GLG1: variants seen among roughly 807,000 people sequenced by gnomAD.
GLG1 encodes the protein Golgi apparatus protein 1.
A neutral mutation model predicts 160.5 loss-of-function variants in GLG1; 38 were observed. The ratio of observed to expected loss-of-function variants is 0.24; its 90% confidence interval spans 0.18 to 0.31. The LOEUF is 0.31. GLG1 is among the 10% of genes least tolerant of loss of function. GLG1 has a pLI of 1.00. For synonymous variants in GLG1, 644 were observed against 543.4 expected (o/e 1.19, Z -2.57); for missense variants, 1,373 against 1,505.2 (o/e 0.91, Z 1.45).
chr16:74,505,900 C>T (rs564000722), intron 3 of GLG1, among the ~76,000 whole-genome samples: 2 of 151,002 alleles, frequency 1.3e-5, no homozygotes, highest in African/African-American at 4.9e-5. Flanking sequence ...TGTGGTGCCA[C>T]GCATCTGTAG....
At chr16:74,520,196 C>G (rs988581730) in intron 2 of GLG1, among the ~76,000 whole-genome samples, 2 of 152,270 alleles carry the variant, frequency 1.3e-5, no homozygotes. Context: ...TGGCTATTTT[C>G]TCTGTACATG....
rs11295055 is a variant in GLG1, at chr16:74,509,163, ATTT to A, written c.472-241_472-239del. Among the ~76,000 whole-genome samples, 682 of 89,628 alleles carry A rather than the reference ATTT, an allele frequency of 7.6e-3. 2 individuals carry two copies. The highest frequency in any genetic ancestry group is 0.03 in the African/African-American group (653 of 22,004). The allele number at this position is 89,628 out of a possible 152,430, so 58.8% of individuals were successfully genotyped here. On this transcript the variant is annotated intron_variant, in intron 2 of 25. Transcript: ENST00000422840. ...TTTTTGTCGTTTTTACTAAAGGACA[ATTT>A]TTTTTTTTTTTTTTTTTTTTTTTGA...
intron 1 of GLG1, among the ~76,000 whole-genome samples, chr16:74,587,643 C>A (rs991631230): frequency 6.6e-6 from 1 of 152,090 alleles, no homozygotes; most frequent in Non-Finnish European, 1.5e-5. Context: ...CCGAAGTGGG[C>A]GATCACGAGG....
At chr16:74,505,348 G>A (rs2016558019) in intron 3 of GLG1, among the ~76,000 whole-genome samples, 1 of 152,252 alleles carries the variant, frequency 6.6e-6, no homozygotes, top group African/African-American at 2.4e-5. Flanking sequence ...ACTGGTTTCA[G>A]AGACAGCAGA....
chr16:74,512,317 A>T (rs911946981), intron 2 of GLG1, among the ~76,000 whole-genome samples: 3 of 151,290 alleles, frequency 2.0e-5, no homozygotes, highest in African/African-American at 7.3e-5. Flanking sequence ...AAGTACAGTG[A>T]TGCAAGTGTG....
intron 2 of GLG1, among the ~76,000 whole-genome samples, chr16:74,511,981 T>C (rs2016822449): frequency 6.6e-6 from 1 of 152,022 alleles, no homozygotes; most frequent in South Asian, 2.1e-4. Context: ...AAAATTTACC[T>C]CTCTAAAGTG....
intron 2 of GLG1, among the ~76,000 whole-genome samples, chr16:74,526,533 G>A (rs2017338886): frequency 1.4e-5 from 2 of 148,026 alleles, no homozygotes; most frequent in South Asian, 2.2e-4. Flanking sequence ...AGGTCAGCCT[G>A]GGCAACAAAG....
chr16:74,502,834 T>G (rs1310742228), intron 4 of GLG1, among the ~76,000 whole-genome samples: 10 of 149,162 alleles, frequency 6.7e-5, no homozygotes, highest in African/African-American at 2.2e-4. Context: ...CCTCCCAAAG[T>G]GTTGGGATTA....
At chr16:74,572,949 G>C (rs910469815) in intron 1 of GLG1, among the ~76,000 whole-genome samples, 2 of 152,156 alleles carry the variant, frequency 1.3e-5, no homozygotes, top group Non-Finnish European at 2.9e-5. Flanking sequence ...CAGGTATATA[G>C]TGTCAAGGAT....
In GLG1 at chr16:74,477,439, A is replaced by G. The variant is rs1368213578; in HGVS notation, c.1922T>C (p.Ile641Thr). 1.9e-6 allele frequency: 3 copies of G among 1,612,884 alleles called. No homozygotes were observed. The highest frequency in any genetic ancestry group is 2.5e-6 in the Non-Finnish European group (3 of 1,178,836). Residue 641 changes from isoleucine to threonine, a missense_variant, in exon 12 of 26, where the codon ATT becomes ACT. Ile to Thr is a moderately conservative substitution (Grantham distance 89). Transcript: ENST00000422840. ...CTCACTGCACCATTTTCCCAGATCA[A>G]TCAGGCACTTATCCTGGAGGGCAGG... The part of the protein sequence containing the change: ...LDPALQDKCL[I>T]DLGKWCSEKT...
chr16:74,570,448 A>C (rs2018792517), intron 1 of GLG1, among the ~76,000 whole-genome samples: 1 of 152,254 alleles, frequency 6.6e-6, no homozygotes, highest in South Asian at 2.1e-4. Flanking sequence ...GAAAGCCAAA[A>C]GACAGTGGAA....
intron 1 of GLG1, among the ~76,000 whole-genome samples, chr16:74,550,101 G>A (rs927697207): frequency 1.3e-5 from 2 of 152,154 alleles, no homozygotes; most frequent in Non-Finnish European, 2.9e-5. Context: ...CTGAGCAACA[G>A]AGCAAGATCT....
intron 1 of GLG1, among the ~76,000 whole-genome samples, chr16:74,536,375 G>A (rs530463920): frequency 3.3e-5 from 5 of 152,194 alleles, no homozygotes; most frequent in Admixed American, 2.0e-4. Flanking sequence ...ATAATGCTCT[G>A]AGATGATCCC....
chr16:74,459,830 A>C (rs933173944), intron 22 of GLG1, 41 bp from the exon 23 acceptor site: 2 of 940,342 alleles, frequency 2.1e-6, no homozygotes, highest in Non-Finnish European at 3.3e-6. Flanking sequence ...CCCACTGAGC[A>C]CAGAAATGAA....
At chr16:74,462,729 C>T in intron 20 of GLG1, 99 bp from the exon 21 acceptor site, 1 of 1,054,402 alleles carries the variant, frequency 9.5e-7, no homozygotes, top group Non-Finnish European at 1.5e-6. Flanking sequence ...TGTCAATGAT[C>T]ATGACTACAA....
At chr16:74,602,231 G>C (rs1958453997) in intron 1 of GLG1, among the ~76,000 whole-genome samples, 1 of 152,120 alleles carries the variant, frequency 6.6e-6, no homozygotes, top group Non-Finnish European at 1.5e-5. Context: ...TCTGTGCAAA[G>C]CTTAGAGCAT....
intron 2 of GLG1, among the ~76,000 whole-genome samples, chr16:74,528,102 G>T (rs1310245613): frequency 6.6e-6 from 1 of 151,926 alleles, no homozygotes; most frequent in South Asian, 2.1e-4. Flanking sequence ...AGCCAGGATG[G>T]TCTCGATCTC....
intron 1 of GLG1, among the ~76,000 whole-genome samples, chr16:74,548,992 C>CA (rs1285237220): frequency 1.1e-4 from 16 of 146,984 alleles, no homozygotes; most frequent in South Asian, 2.2e-4. Flanking sequence ...ACTCCATCAC[C>CA]AAAAAAAAAA....
chr16:74,551,925 GA>G (rs1177881667), intron 1 of GLG1, among the ~76,000 whole-genome samples: 1 of 151,208 alleles, frequency 6.6e-6, no homozygotes, highest in Non-Finnish European at 1.5e-5. Flanking sequence ...ATAAACGGAA[GA>G]AAACGGCAAA....
Sources: gnomAD v4.1 joint callset for allele counts (sites outside exome capture counted in the v4.1 genomes callset) on GRCh38, gnomAD v4.1.1 for gene constraint, MANE v1.5 for transcripts, NCBI Gene and HGNC (gene_info 2026-07-23, HGNC 2026-07-21) for gene names.